Variants in RERE observed in about 807,000 individuals in gnomAD.
RERE encodes arginine-glutamic acid dipeptide repeats protein.
A neutral mutation model predicts 146.1 loss-of-function variants in RERE; 40 were observed. The observed-to-expected ratio is 0.27, with a 90% CI of 0.21 to 0.36. The LOEUF (loss-of-function observed/expected upper bound fraction) is 0.36, where lower values mean the gene tolerates loss of function less well. Among genes scored for constraint, RERE ranks in the 10% least tolerant of loss-of-function variants. RERE has a pLI of 1.00. For missense variants in RERE, 1,933 were observed against 2,138.7 expected (o/e 0.90, Z 1.90); for synonymous variants, 1,003 against 866.0 (o/e 1.16, Z -2.78).
intron 12 of RERE, among the ~76,000 whole-genome samples, chr1:8,416,593 A>AG (rs1319242631): frequency 2.0e-5 from 3 of 150,202 alleles, no homozygotes; most frequent in African/African-American, 7.3e-5. Context: ...CTCCAAAAAA[A>AG]AAAAAAAAAG....
chr1:8,496,921 A>G (rs1645054179), intron 9 of RERE, among the ~76,000 whole-genome samples: 1 of 152,202 alleles, frequency 6.6e-6, no homozygotes, highest in Non-Finnish European at 1.5e-5. Context: ...CAAGTGCAGA[A>G]CGTGTCGGTT....
chr1:8,556,733 A>G (rs1482837628), intron 5 of RERE, among the ~76,000 whole-genome samples, 162 bp from the exon 6 acceptor site: 1 of 152,226 alleles, frequency 6.6e-6, no homozygotes, highest in African/African-American at 2.4e-5. Flanking sequence ...AAATTGCAAG[A>G]ATAACAATAA....
chr1:8,361,032 C>T lies in RERE; in HGVS notation c.2475G>A (p.Pro825=), dbSNP rs2784735. 648,942 of 1,429,712 alleles carry T rather than the reference C, an allele frequency of 0.45. 152,690 individuals carry two copies. The highest frequency in any genetic ancestry group is 0.83 in the East Asian group (32,076 of 38,864). The allele number at this position is 1,429,712 out of a possible 1,614,324, so 88.6% of individuals were successfully genotyped here. Residue 825 remains proline (P), a synonymous_variant, in exon 18 of 23, where the codon CCG becomes CCA. Coordinates refer to ENST00000400908, the MANE Select transcript of RERE (RefSeq NM_001042681.2). ...CCGCCGACCCAGTCAGAGGCTGCAGCGGGGGATGTGGCGAGGGATGCGGCG... is the reference window on the plus strand; with the variant it reads ...CCGCCGACCCAGTCAGAGGCTGCAGTGGGGGATGTGGCGAGGGATGCGGCG... ...HPPPHPSPHP[P]LQPLTGSAGQ... is the part of the protein sequence containing the mutation.
At chr1:8,723,699 T>A (rs908652875) in intron 1 of RERE, among the ~76,000 whole-genome samples, 5 of 152,240 alleles carry the variant, frequency 3.3e-5, no homozygotes, top group Admixed American at 3.3e-4. Flanking sequence ...CAAGTACTAT[T>A]TGGTGCCAAC....
intron 6 of RERE, among the ~76,000 whole-genome samples, chr1:8,549,215 C>A (rs1229800541): frequency 6.6e-6 from 1 of 152,062 alleles, no homozygotes; most frequent in Non-Finnish European, 1.5e-5. Context: ...CGGTTCCTCA[C>A]AGAATGGCTA....
At chr1:8,736,854 A>AG (rs1640210503) in intron 1 of RERE, among the ~76,000 whole-genome samples, 2 of 133,082 alleles carry the variant, frequency 1.5e-5, no homozygotes, top group Non-Finnish European at 3.1e-5. Context: ...CAAGGGGGAA[A>AG]AAAAAAAAAA....
intron 11 of RERE, among the ~76,000 whole-genome samples, chr1:8,454,033 C>A (rs1177360681): frequency 2.6e-5 from 4 of 152,198 alleles, no homozygotes; most frequent in Non-Finnish European, 5.9e-5. Flanking sequence ...AGACTCCAAG[C>A]TGCTGTTGAG....
At chr1:8,477,528 C>T (rs970284554) in intron 10 of RERE, among the ~76,000 whole-genome samples, 16 of 152,146 alleles carry the variant, frequency 1.1e-4, no homozygotes, top group African/African-American at 3.9e-4. Flanking sequence ...TGACATGAAA[C>T]TGGGCAGAAG....
intron 7 of RERE, among the ~76,000 whole-genome samples, chr1:8,521,413 A>G (rs1192385949): frequency 1.3e-5 from 2 of 152,162 alleles, no homozygotes; most frequent in Non-Finnish European, 2.9e-5. Flanking sequence ...AGGCCAAGAC[A>G]GGAAGATAGT....
chr1:8,486,602 G>GAAA (rs1340635509), intron 10 of RERE, among the ~76,000 whole-genome samples: 1 of 151,086 alleles, frequency 6.6e-6, no homozygotes, highest in Non-Finnish European at 1.5e-5. Flanking sequence ...CAAATAGGTA[G>GAAA]AAAAAAATTA....
chr1:8,398,481 TAAGATC>T (rs1643133874), intron 12 of RERE, among the ~76,000 whole-genome samples: 1 of 152,246 alleles, frequency 6.6e-6, no homozygotes, highest in Non-Finnish European at 1.5e-5. Context: ...CAGTGTAAAA[TAAGATC>T]CTCTTCTATT....
chr1:8,619,204 A>C (rs1646889669), intron 3 of RERE, among the ~76,000 whole-genome samples: 2 of 152,216 alleles, frequency 1.3e-5, no homozygotes, highest in Middle Eastern at 3.2e-3. Context: ...TTAGGGACAC[A>C]AATGATACAG....
At chr1:8,755,039 T>C (rs1640608655) in intron 1 of RERE, among the ~76,000 whole-genome samples, 1 of 152,266 alleles carries the variant, frequency 6.6e-6, no homozygotes, top group Non-Finnish European at 1.5e-5. Context: ...TGTCATTCAG[T>C]ACAGTCGATT....
rs1641290468 is a variant in RERE at position 8,356,303 on chromosome 1, C to T, written c.4340-57G>A. ...GGTGTGCAGCTCTTCAATGTTTGTCCCCCTTGGCTGGAATGACCGATGACT... is the reference window on the plus strand; with the variant it reads ...GGTGTGCAGCTCTTCAATGTTTGTCTCCCTTGGCTGGAATGACCGATGACT... On this transcript the variant is annotated intron_variant, in intron 20 of 22. Transcript: ENST00000400908. The surrounding 1 kb of genome is among the most constrained non-coding windows in gnomAD (Gnocchi z 5.2). 1.4e-6 allele frequency: 2 copies of T among 1,441,212 alleles called. No homozygotes were observed. Among genetic ancestry groups the T allele is most frequent in the African/African-American group, 1.5e-5 (1 of 66,264 alleles). The allele number at this position is 1,441,212 out of a possible 1,614,324, so 89.3% of individuals were successfully genotyped here.
intron 4 of RERE, among the ~76,000 whole-genome samples, chr1:8,559,485 C>T (rs1434489828): frequency 6.6e-6 from 1 of 151,480 alleles, no homozygotes; most frequent in Admixed American, 6.6e-5. Context: ...GCATTTTATG[C>T]CTTTATATTA....
rs569804067 is a variant in RERE at position 8,491,390 on chromosome 1, C to T, written c.1104+3673G>A. ...GGGAGGTTGTGGTGAGCCAAGATTGCGCCATTGCACTCCAGCCTGGGCAAC... is the reference window on the plus strand; with the variant it reads ...GGGAGGTTGTGGTGAGCCAAGATTGTGCCATTGCACTCCAGCCTGGGCAAC... On this transcript the variant is annotated intron_variant, in intron 10 of 22. Transcript: ENST00000400908. Among the ~76,000 whole-genome samples the T allele has an allele frequency of 9.2e-5, 14 of 152,222 alleles. No individual in the cohort carries two copies. In the East Asian group the frequency reaches 1.2e-3, roughly 13 times the overall value.
chr1:8,396,025 T>C (rs995748838), intron 12 of RERE, among the ~76,000 whole-genome samples: 14 of 152,204 alleles, frequency 9.2e-5, no homozygotes, highest in African/African-American at 3.4e-4. Context: ...CCACCTTGAA[T>C]GGATTCCAGA....
At chr1:8,674,868 C>T (rs1638799480) in intron 1 of RERE, among the ~76,000 whole-genome samples, 1 of 152,300 alleles carries the variant, frequency 6.6e-6, no homozygotes, top group African/African-American at 2.4e-5. Flanking sequence ...TCTAGTGACC[C>T]TTCAGCTCAC....
intron 4 of RERE, among the ~76,000 whole-genome samples, chr1:8,577,652 G>A (rs1646312663): frequency 6.6e-6 from 1 of 152,198 alleles, no homozygotes; most frequent in Non-Finnish European, 1.5e-5. Flanking sequence ...TAGGCACAGA[G>A]CCTTCAAATA....
Sources: gnomAD v4.1 joint callset for allele counts (sites outside exome capture counted in the v4.1 genomes callset) on GRCh38, gnomAD v4.1.1 for gene constraint, Gnocchi (gnomAD v3.1) non-coding constraint, MANE v1.5 for transcripts, NCBI Gene and HGNC (gene_info 2026-07-23, HGNC 2026-07-21) for gene names.